EYS: variants seen among roughly 807,000 people sequenced by gnomAD.
EYS encodes the protein protein eyes shut homolog.
A neutral mutation model predicts 282.1 loss-of-function variants in EYS; 250 were observed. The ratio of observed to expected loss-of-function variants is 0.89; its 90% CI spans 0.80 to 0.98. The LOEUF (loss-of-function observed/expected upper bound fraction) is 0.98, where lower values mean the gene tolerates loss of function less well. Ranked by LOEUF, EYS falls within the 50% of genes least tolerant of loss-of-function variation. The pLI, the probability that EYS is intolerant of heterozygous loss-of-function variation, is 0.00. For missense variants in EYS, 4,016 were observed against 3,709.0 expected (o/e 1.08, Z -2.15); for synonymous variants, 1,355 against 1,282.9 (o/e 1.06, Z -1.20).
chr6:63,853,087 C>T (rs1182322623), intron 36 of EYS, among the ~76,000 whole-genome samples: 1 of 152,170 alleles, frequency 6.6e-6, no homozygotes, highest in Non-Finnish European at 1.5e-5. Context: ...CAAGGATGCC[C>T]TCTCTCACCA....
chr6:65,034,940 T>A (rs1772720907), intron 13 of EYS, among the ~76,000 whole-genome samples: 1 of 152,040 alleles, frequency 6.6e-6, no homozygotes. Context: ...TATCTCTGAA[T>A]AACATAGATT....
At chr6:64,092,659 T>A (rs546469222) in intron 31 of EYS, among the ~76,000 whole-genome samples, 1 of 152,326 alleles carries the variant, frequency 6.6e-6, no homozygotes, top group Non-Finnish European at 1.5e-5. Flanking sequence ...ATTAGCCCTT[T>A]GTCAGATGAG....
chr6:63,807,760 T>G (rs560851291), intron 36 of EYS, among the ~76,000 whole-genome samples: 1 of 152,298 alleles, frequency 6.6e-6, no homozygotes, highest in East Asian at 1.9e-4. Context: ...TACTTATTTT[T>G]TAATCTAATG....
At chr6:64,506,667 C>T (rs2150515726) in intron 26 of EYS, among the ~76,000 whole-genome samples, 1 of 152,196 alleles carries the variant, frequency 6.6e-6, no homozygotes, top group Non-Finnish European at 1.5e-5. Flanking sequence ...AATCCCAGCA[C>T]GTTGGGAGGC....
At chr6:64,210,425 C>T (rs1214617007) in intron 31 of EYS, among the ~76,000 whole-genome samples, 1 of 152,084 alleles carries the variant, frequency 6.6e-6, no homozygotes, top group African/African-American at 2.4e-5. Context: ...TCTCTGTGAG[C>T]CTGTATCCGT....
intron 13 of EYS, among the ~76,000 whole-genome samples, chr6:65,001,145 T>C (rs545579870): frequency 8.4e-6 from 1 of 119,160 alleles, no homozygotes; most frequent in South Asian, 2.8e-4. Flanking sequence ...CTTTAAGGGT[T>C]AACCAGCTGA....
At chr6:65,695,933 G>A (rs1224224479) in intron 1 of EYS, among the ~76,000 whole-genome samples, 1 of 151,922 alleles carries the variant, frequency 6.6e-6, no homozygotes, top group Non-Finnish European at 1.5e-5. Context: ...ACTGCAACTT[G>A]AGCATTTTAC....
intron 2 of EYS, among the ~76,000 whole-genome samples, chr6:65,624,634 C>T (rs1257725928): frequency 1.3e-5 from 2 of 152,130 alleles, no homozygotes; most frequent in African/African-American, 4.8e-5. Flanking sequence ...CATCTATCAG[C>T]TGCCAGAGCA....
Position 64,210,497 on chromosome 6 carries a change from G to A in EYS, c.6424+20095C>T, listed in dbSNP as rs1287666603. ...AGGACTATAGTCAGATTGAATTAAG[G>A]CCCATACTAATAGCATCATTTTGAC... On this transcript the variant is annotated intron_variant, in intron 31 of 42. Coordinates refer to ENST00000503581, the MANE Select transcript of EYS (RefSeq NM_001142800.2). Among the ~76,000 whole-genome samples, 7 of 152,020 alleles carry A rather than the reference G, an allele frequency of 4.6e-5. No individual in the cohort carries two copies. In the East Asian group the frequency reaches 1.4e-3, roughly 29 times the overall value.
At chr6:65,283,193 C>T (rs1211739810) in intron 12 of EYS, among the ~76,000 whole-genome samples, 1 of 151,952 alleles carries the variant, frequency 6.6e-6, no homozygotes, top group Admixed American at 6.6e-5. Context: ...AATATTTTTC[C>T]TATCAGAACT....
chr6:65,596,708 C>G (rs1765419682), intron 2 of EYS, among the ~76,000 whole-genome samples: 1 of 151,022 alleles, frequency 6.6e-6, no homozygotes, highest in Non-Finnish European at 1.5e-5. Context: ...AGTAGGCTTT[C>G]CACAAAAAAA....
chr6:64,265,934 G>A (rs577480847), intron 30 of EYS, among the ~76,000 whole-genome samples: 39 of 152,068 alleles, frequency 2.6e-4, no homozygotes, highest in South Asian at 2.5e-3. Context: ...TCCATATTCC[G>A]TGTTAGTTGT....
At chr6:65,147,491 C>T (rs16896354) in intron 12 of EYS, among the ~76,000 whole-genome samples, 39,055 of 151,880 alleles carry the variant, frequency 0.26, 5,367 homozygotes, top group African/African-American at 0.35. Flanking sequence ...GATACAAGTT[C>T]ACTATTATTA....
At chr6:64,980,151 T>A (rs1053599050) in intron 14 of EYS, among the ~76,000 whole-genome samples, 1 of 151,548 alleles carries the variant, frequency 6.6e-6, no homozygotes, top group African/African-American at 2.4e-5. Flanking sequence ...GTGCTGCAAG[T>A]TTTTTCTTTC....
intron 31 of EYS, among the ~76,000 whole-genome samples, chr6:64,220,079 T>C (rs1766051341): frequency 1.3e-5 from 2 of 152,052 alleles, no homozygotes; most frequent in South Asian, 4.1e-4. Context: ...ATACCTAATG[T>C]TAAATGACAA....
intron 28 of EYS, 32 bp from the exon 29 acceptor site, chr6:64,388,872 T>G: frequency 7.4e-7 from 1 of 1,355,090 alleles, no homozygotes; most frequent in Admixed American, 3.0e-5. Context: ...ATGGTTTTAG[T>G]ATAAGTCATA....
chr6:65,131,377 A>T (rs1223041093), intron 12 of EYS, among the ~76,000 whole-genome samples: 1 of 151,914 alleles, frequency 6.6e-6, no homozygotes, highest in Non-Finnish European at 1.5e-5. Flanking sequence ...TACCAAAGAC[A>T]ATCTCAGATC....
chr6:65,432,755 C>A (rs1280095714), intron 5 of EYS, among the ~76,000 whole-genome samples: 1 of 152,160 alleles, frequency 6.6e-6, no homozygotes, highest in African/African-American at 2.4e-5. Flanking sequence ...CAGAATTGTT[C>A]TCCCTGCTGT....
chr6:64,789,800 G>A (rs986115119), intron 22 of EYS, among the ~76,000 whole-genome samples: 7 of 151,560 alleles, frequency 4.6e-5, no homozygotes, highest in Non-Finnish European at 1.0e-4. Context: ...TATACTACAT[G>A]GCACAGCAGA....
Sources: gnomAD v4.1 joint callset for allele counts (sites outside exome capture counted in the v4.1 genomes callset) on GRCh38, gnomAD v4.1.1 for gene constraint, MANE v1.5 for transcripts, NCBI Gene and HGNC (gene_info 2026-07-23, HGNC 2026-07-21) for gene names.